MYCL: variants seen among roughly 807,000 people sequenced by gnomAD.
The protein encoded by MYCL is protein L-Myc.
Under a neutral mutation model 31.0 loss-of-function variants are expected in MYCL, and 11 were observed. The ratio of observed to expected loss-of-function variants is 0.35; its 90% CI spans 0.22 to 0.59. The LOEUF is 0.59. Among genes scored for constraint, MYCL ranks in the 20% least tolerant of loss-of-function variants. The pLI, the probability that MYCL is intolerant of heterozygous loss-of-function variation, is 0.79. For synonymous variants in MYCL, 208 were observed against 202.4 expected, an observed-to-expected ratio of 1.03 and a Z score of -0.23; for missense variants, 427 against 486.1, an observed-to-expected ratio of 0.88 and a Z score of 1.14.
Position 39,895,723 on chromosome 1 carries a change from A to C in MYCL, c.*1649T>G, listed in dbSNP as rs1644476416. ...TTGAGACATCAGTAACCTACACCCA[A>C]ACTGTCCTCCATAGACAATTCCAGA... On this transcript the variant is annotated 3_prime_UTR_variant, in exon 2 of 2. Transcript: ENST00000372816. 8.8e-6 allele frequency: 2 copies of C among 228,084 alleles called. No individual in the cohort carries two copies. Among genetic ancestry groups the C allele is most frequent in the Admixed American group, 1.1e-4 (2 of 17,598 alleles). The allele number at this position is 228,084 out of a possible 1,614,324, so 14.1% of individuals were successfully genotyped here.
intron 1 of MYCL, chr1:39,899,135 T>C (rs1396141156): frequency 1.0e-6 from 1 of 955,986 alleles, no homozygotes. Context: ...TTTGGACTTC[T>C]GTCTTACCCA....
In MYCL at chr1:39,901,405, G is replaced by A. The variant is rs2124720945; in HGVS notation, c.30C>T (p.Phe10=). 6.2e-7 allele frequency: 1 copy of A among 1,613,200 alleles called. No homozygotes were observed. The highest frequency in any genetic ancestry group is 8.5e-7 in the Non-Finnish European group (1 of 1,179,836). MDYDSYQHY[F]YDYDCGEDFY... is the part of the protein sequence containing the mutation. The stretch of plus-strand genomic sequence containing the variant: ...AATCCTCCCCGCAGTCATAGTCGTA[G>A]AAATAGTGCTGGTACGAGTCGTAGT... The change falls in exon 1 of 2, where the codon TTC becomes TTT. Residue 10 remains phenylalanine (F), a synonymous_variant. Coordinates refer to ENST00000372816, the MANE Select transcript of MYCL (RefSeq NM_001033081.3). The surrounding 1 kb of genome is among the most constrained non-coding windows in gnomAD (Gnocchi z 6.9).
At position 39,901,878 on chromosome 1, in the gene MYCL, C is replaced by A. The variant is rs1429342687; in HGVS notation, c.-444G>T. The A allele has an allele frequency of 3.3e-5, 39 of 1,187,880 alleles. No individual in the cohort carries two copies. Among genetic ancestry groups the A allele is most frequent in the Non-Finnish European group, 4.1e-5 (39 of 957,566 alleles). 73.6% of individuals were successfully genotyped at this position (1,187,880 alleles called of 1,614,324 possible). ...GCTCGGGGCAGCCCGGCAGCCAGCA[C>A]ACACGCACATGCGCGCCGCCGAGAG... On this transcript the variant is annotated 5_prime_UTR_variant, in exon 1 of 2. Transcript: ENST00000372816. The surrounding 1 kb of genome is among the most constrained non-coding windows in gnomAD (Gnocchi z 6.9).
In MYCL at chr1:39,896,053, G is replaced by A. The variant is rs1644480364; in HGVS notation, c.*1319C>T. 1 of 212,194 alleles carries A rather than the reference G, an allele frequency of 4.7e-6. No homozygotes were observed. 13.1% of individuals were successfully genotyped at this position (212,194 alleles called of 1,614,324 possible). A position where few individuals can be genotyped will look rare whatever the true frequency, so the allele number is the denominator to read the frequency against. Reference sequence around the variant, plus strand: ...TTACCCACATGACAACTGCTAGGTTGGGTGACTTTCCCAGACTAGAAGCTG... The same window carrying A: ...TTACCCACATGACAACTGCTAGGTTAGGTGACTTTCCCAGACTAGAAGCTG... On this transcript the variant is annotated 3_prime_UTR_variant, in exon 2 of 2. Transcript: ENST00000372816.
chr1:39,898,842 G>C (rs1644507556), intron 1 of MYCL: 2 of 985,324 alleles, frequency 2.0e-6, no homozygotes, highest in East Asian at 2.3e-4. Context: ...TCATTCACTG[G>C]CTTGAAGGTC....
chr1:39,895,635 T>TAA lies in MYCL; in HGVS notation c.*1735_*1736dup. On this transcript the variant is annotated 3_prime_UTR_variant, in exon 2 of 2. Coordinates refer to ENST00000372816, the MANE Select transcript of MYCL (RefSeq NM_001033081.3). ...GCAAAAGGCATACAAAAATACAATA[T>TAA]AAAAAAAAAAGACTCCCCCAGCATA... 1.5e-5 allele frequency: 3 copies of TAA among 203,510 alleles called. No individual in the cohort carries two copies. Among genetic ancestry groups the TAA allele is most frequent in the Admixed American group, 6.1e-5 (1 of 16,320 alleles). The allele number at this position is 203,510 out of a possible 1,614,324, so 12.6% of individuals were successfully genotyped here.
intron 1 of MYCL, 63 bp from the exon 2 acceptor site, chr1:39,898,033 A>G: frequency 1.3e-6 from 2 of 1,556,826 alleles, no homozygotes; most frequent in Non-Finnish European, 8.6e-7. Flanking sequence ...CATAGACCCT[A>G]CAGCTTTAGC....
intron 1 of MYCL, 144 bp from the exon 2 acceptor site, chr1:39,898,114 G>T: frequency 1.6e-6 from 2 of 1,229,462 alleles, no homozygotes; most frequent in Non-Finnish European, 2.2e-6. Context: ...GAGGTGAGCA[G>T]AAAGCTGATT....
chr1:39,897,270 T>C lies in MYCL; in HGVS notation c.*102A>G. On this transcript the variant is annotated 3_prime_UTR_variant, in exon 2 of 2. Coordinates refer to ENST00000372816, the MANE Select transcript of MYCL (RefSeq NM_001033081.3). This position sits in a 1 kb window ranked among gnomAD's most constrained non-coding sequence, Gnocchi z 4.3. ...GCATTCTGGGATCTACTGTCCAGAC[T>C]GTCCCACCATAACCAAAATGTGCAA... 2 of 1,030,388 alleles carry C rather than the reference T, an allele frequency of 1.9e-6. No homozygotes were observed. Among genetic ancestry groups the C allele is most frequent in the Non-Finnish European group, 2.9e-6 (2 of 700,340 alleles). 63.8% of individuals were successfully genotyped at this position (1,030,388 alleles called of 1,614,324 possible).
rs1644535832 is a variant in MYCL at position 39,901,245 on chromosome 1, A to G, written c.190T>C (p.Trp64Arg). 6.2e-7 allele frequency: 1 copy of G among 1,608,172 alleles called. No individual in the cohort carries two copies. The highest frequency in any genetic ancestry group is 8.5e-7 in the Non-Finnish European group (1 of 1,177,694). ...PAPGIGPPEP[W>R]PGGCTGDEAE... is the part of the protein sequence containing the mutation. ...TCGTCTCCGGTGCACCCTCCGGGCC[A>G]CGGCTCCGGGGGACCAATCCCGGGG... Residue 64 changes from tryptophan (W) to arginine (R), a missense_variant, in exon 1 of 2, where the codon TGG (tryptophan) becomes CGG (arginine). Trp to Arg is a moderately radical substitution (Grantham distance 101, BLOSUM62 -3). Coordinates refer to ENST00000372816, the MANE Select transcript of MYCL (RefSeq NM_001033081.3). The surrounding 1 kb of genome is among the most constrained non-coding windows in gnomAD (Gnocchi z 6.9).
chr1:39,898,132 A>T, intron 1 of MYCL, 162 bp from the exon 2 acceptor site: 1 of 1,059,062 alleles, frequency 9.4e-7, no homozygotes, highest in Non-Finnish European at 1.3e-6. Context: ...ATTCATTTGT[A>T]ATGTGGTAAG....
intron 1 of MYCL, chr1:39,899,989 A>T (rs1644519261): frequency 1.0e-6 from 1 of 985,404 alleles, no homozygotes; most frequent in Non-Finnish European, 1.2e-6. Context: ...GTGGCACAGG[A>T]TGCCCCAGTC....
intron 1 of MYCL, chr1:39,898,589 T>G: frequency 1.1e-6 from 1 of 923,112 alleles, no homozygotes; most frequent in African/African-American, 1.8e-5. Context: ...TTAGGAGCAT[T>G]TTGCTCCTGG....
intron 1 of MYCL, 30 bp downstream of exon 1, chr1:39,900,909 C>A: frequency 1.3e-6 from 2 of 1,506,982 alleles, no homozygotes; most frequent in Admixed American, 2.5e-5. Context: ...TGGGGTGGCC[C>A]CCTCTTGGAT....
chr1:39,896,650 T>A lies in MYCL; in HGVS notation c.*722A>T, dbSNP rs1190957978. 4.8e-6 allele frequency: 1 copy of A among 208,740 alleles called. No homozygotes were observed. The highest frequency in any genetic ancestry group is 2.3e-5 in the African/African-American group (1 of 43,862). The allele number at this position is 208,740 out of a possible 1,614,324, so 12.9% of individuals were successfully genotyped here. A position where few individuals can be genotyped will look rare whatever the true frequency, so the allele number is the denominator to read the frequency against. On this transcript the variant is annotated 3_prime_UTR_variant, in exon 2 of 2. Coordinates refer to ENST00000372816, the MANE Select transcript of MYCL (RefSeq NM_001033081.3). The stretch of plus-strand genomic sequence containing the variant: ...CATAATGGAACAAAAAAGTCCCTTG[T>A]GAGGAAAGAAAGGTCCCTCCCTCAG...
At chr1:39,898,404 C>A (rs1644503639) in intron 1 of MYCL, among the ~76,000 whole-genome samples, 1 of 152,200 alleles carries the variant, frequency 6.6e-6, no homozygotes, top group South Asian at 2.1e-4. Context: ...GGCAGAGCTG[C>A]CCTTTGTTCC....
chr1:39,897,424 C>CGGA lies in MYCL; in HGVS notation c.1040_1042dup (p.Leu347dup), dbSNP rs1644492692. On this transcript the variant is annotated inframe_insertion, in exon 2 of 2. Coordinates refer to ENST00000372816, the MANE Select transcript of MYCL (RefSeq NM_001033081.3). The surrounding 1 kb of genome is among the most constrained non-coding windows in gnomAD (Gnocchi z 4.3). ...TTTCTGCAACTGCTGCTGCCGGCAT[C>CGGA]GGAGCTGTCTTTTCTCTGTAGCCAT... is the stretch of plus-strand genomic sequence containing the variant. The CGGA allele has an allele frequency of 6.2e-7, 1 of 1,611,608 alleles. No individual in the cohort carries two copies.
In MYCL at chr1:39,897,869, T is replaced by A. The variant is rs1224607952; in HGVS notation, c.598A>T (p.Met200Leu). The A allele has an allele frequency of 6.2e-7, 1 of 1,614,096 alleles. No homozygotes were observed. Among genetic ancestry groups the A allele is most frequent in the South Asian group, 1.1e-5 (1 of 91,092 alleles). ...TGGATGGAGATGTGGAAATGCTTCA[T>A]GCAGGGATCCAGGGGGTCTGCTCGC... is the stretch of plus-strand genomic sequence containing the variant. Reference protein sequence around the residue: ...TVRADPLDPCMKHFHISIHQQ... With the variant: ...TVRADPLDPCLKHFHISIHQQ... The change falls in exon 2 of 2, where the codon ATG (methionine) becomes TTG (leucine). Residue 200 changes from methionine to leucine, a missense_variant. Physicochemically the swap from Met to Leu is conservative, Grantham distance 15. Coordinates refer to ENST00000372816, the MANE Select transcript of MYCL (RefSeq NM_001033081.3). This position sits in a 1 kb window ranked among gnomAD's most constrained non-coding sequence, Gnocchi z 4.3.
chr1:39,897,152 C>T lies in MYCL; in HGVS notation c.*220G>A, dbSNP rs1325661932. ...CTGGGAAGCCAAAGGCGCCAGAGAA[C>T]ATACAGCACTCCCATGAGTCAGGGA... On this transcript the variant is annotated 3_prime_UTR_variant, in exon 2 of 2. Coordinates refer to ENST00000372816, the MANE Select transcript of MYCL (RefSeq NM_001033081.3). The surrounding 1 kb of genome is among the most constrained non-coding windows in gnomAD (Gnocchi z 4.3). 1 of 566,532 alleles carries T rather than the reference C, an allele frequency of 1.8e-6. No homozygotes were observed. The highest frequency in any genetic ancestry group is 1.9e-5 in the African/African-American group (1 of 53,990). 35.1% of individuals were successfully genotyped at this position (566,532 alleles called of 1,614,324 possible).
Sources: allele counts gnomAD v4.1 joint callset (sites outside exome capture counted in the v4.1 genomes callset), GRCh38; gene constraint gnomAD v4.1.1; non-coding constraint Gnocchi (gnomAD v3.1); transcripts MANE v1.5; gene names NCBI Gene and HGNC (gene_info 2026-07-23, HGNC 2026-07-21).